SYNE1: variants seen among roughly 807,000 people sequenced by gnomAD.
The protein encoded by SYNE1 is spectrin repeat containing nuclear envelope protein 1.
SYNE1 carries 616 observed loss-of-function variants against 1,111.0 expected under a neutral mutation model. The observed-to-expected ratio is 0.55, with a 90% CI of 0.52 to 0.59. The LOEUF (loss-of-function observed/expected upper bound fraction) is 0.59. Among genes scored for constraint, SYNE1 ranks in the 20% least tolerant of loss-of-function variants. The pLI is 0.00. For synonymous variants in SYNE1, 3,855 were observed against 3,825.8 expected, an observed-to-expected ratio of 1.01 and a Z score of -0.28; for missense variants, 10,006 against 10,417.0, an observed-to-expected ratio of 0.96 and a Z score of 1.72.
chr6:152,336,995 G>C lies in SYNE1; in HGVS notation c.12374C>G (p.Ala4125Gly). ...EQTIEQKLVQ[A>G]QNLTQGWEEI... Reference sequence around the variant, plus strand: ...TTCCCAGCCCTGAGTTAAGTTCTGGGCCTGGACAAGCTTTTGTTCAATCTT... The same window carrying C: ...TTCCCAGCCCTGAGTTAAGTTCTGGCCCTGGACAAGCTTTTGTTCAATCTT... Residue 4125 changes from alanine to glycine, a missense_variant, in exon 76 of 146, where the codon GCC becomes GGC. This residue lies in a region of SYNE1 where 4,955 missense variants were observed against 5,017.2 expected (regional missense o/e 0.99). Transcript: ENST00000367255. The C allele has an allele frequency of 1.2e-6, 2 of 1,613,768 alleles. No homozygotes were observed. Among genetic ancestry groups the C allele is most frequent in the Non-Finnish European group, 1.7e-6 (2 of 1,180,008 alleles).
intron 10 of SYNE1, among the ~76,000 whole-genome samples, chr6:152,499,905 T>C (rs540466907): frequency 6.0e-4 from 92 of 152,294 alleles, no homozygotes; most frequent in African/African-American, 1.9e-3. Context: ...CTGAAAATAA[T>C]AAAGCTTCTT....
chr6:152,528,574 G>A (rs2099177260), intron 4 of SYNE1, among the ~76,000 whole-genome samples: 1 of 152,162 alleles, frequency 6.6e-6, no homozygotes, highest in African/African-American at 2.4e-5. Flanking sequence ...CCACCAATAT[G>A]GTGACTTTGA....
chr6:152,247,256 C>T (rs769096656), intron 105 of SYNE1, among the ~76,000 whole-genome samples: 1 of 152,084 alleles, frequency 6.6e-6, no homozygotes, highest in Non-Finnish European at 1.5e-5. Flanking sequence ...CTGTTATTGC[C>T]TTTTTAATCC....
intron 4 of SYNE1, among the ~76,000 whole-genome samples, chr6:152,526,547 C>G (rs1208405682): frequency 6.6e-6 from 1 of 152,184 alleles, no homozygotes; most frequent in Non-Finnish European, 1.5e-5. Flanking sequence ...AAAAGCAGAG[C>G]AAGAGCTGCA....
At chr6:152,346,973 A>G (rs909961546) in intron 73 of SYNE1, 86 bp downstream of exon 73, 2 of 1,502,048 alleles carry the variant, frequency 1.3e-6, no homozygotes, top group Non-Finnish European at 1.8e-6. Context: ...AGATTTGAGC[A>G]TCGATTCTAT....
rs756840623 is a variant in SYNE1 at position 152,427,735 on chromosome 6, A to G, written c.5058T>C (p.Ser1686=). The G allele has an allele frequency of 1.4e-5, 22 of 1,614,178 alleles. No individual in the cohort carries two copies. Among genetic ancestry groups the G allele is most frequent in the Admixed American group, 5.0e-5 (3 of 60,022 alleles). ...CACCTTCCACTTTGACTCTGTCTGC[A>G]GAAATGTCCATTTCTGGGGAACTGG... ...AKASSPEMDI[S]ADRVKVEGEL... Residue 1686 remains serine, a synonymous_variant, in exon 38 of 146, where the codon TCT becomes TCC. Transcript: ENST00000367255.
chr6:152,337,096 C>A (rs144118744), intron 75 of SYNE1, 79 bp from the exon 76 acceptor site: 1 of 1,466,108 alleles, frequency 6.8e-7, no homozygotes, highest in Admixed American at 1.9e-5. Flanking sequence ...TGGAACTTTC[C>A]AGCTGGCCTG....
At chr6:152,403,007 G>A (rs1436321128) in intron 46 of SYNE1, among the ~76,000 whole-genome samples, 1 of 151,990 alleles carries the variant, frequency 6.6e-6, no homozygotes, top group Non-Finnish European at 1.5e-5. Context: ...ATCCCTAATG[G>A]TACTGCTGAA....
intron 137 of SYNE1, chr6:152,146,361 A>G (rs1002720737): frequency 2.6e-5 from 4 of 152,202 alleles, no homozygotes; most frequent in Admixed American, 1.3e-4. Context: ...TTAACACTAC[A>G]TTAGACAGGG....
At chr6:152,528,548 T>C (rs937900058) in intron 4 of SYNE1, among the ~76,000 whole-genome samples, 8 of 152,240 alleles carry the variant, frequency 5.3e-5, no homozygotes, top group Non-Finnish European at 1.0e-4. Flanking sequence ...TCCTGTCACA[T>C]GTACAAATAT....
chr6:152,268,020 A>T, intron 100 of SYNE1, 36 bp downstream of exon 100: 1 of 1,539,378 alleles, frequency 6.5e-7, no homozygotes, highest in Non-Finnish European at 9.0e-7. Context: ...TCAGGGAAAC[A>T]CAATGAAGAG....
Position 152,221,610 on chromosome 6 carries a change from T to A in SYNE1, c.21523-51A>T, listed in dbSNP as rs377002075. ...TGACATAACAGGATCTAAATTCTAA[T>A]AAGCAAGTTTAAAAGGAATTTGTAT... is the stretch of plus-strand genomic sequence containing the variant. On this transcript the variant is annotated intron_variant, in intron 117 of 145. Coordinates refer to ENST00000367255, the MANE Select transcript of SYNE1 (RefSeq NM_182961.4). The A allele has an allele frequency of 9.3e-6, 15 of 1,610,026 alleles. No individual in the cohort carries two copies. In the Admixed American group the frequency reaches 1.5e-4, roughly 16 times the overall value.
At chr6:152,134,904 C>T in intron 142 of SYNE1, 200 bp downstream of exon 142, 1 of 608,766 alleles carries the variant, frequency 1.6e-6, no homozygotes, top group Non-Finnish European at 2.8e-6. Flanking sequence ...GATTCTAAAG[C>T]TAGCAGATAT....
intron 5 of SYNE1, 52 bp downstream of exon 5, chr6:152,526,028 A>G (rs2099161888): frequency 1.2e-5 from 18 of 1,563,018 alleles, no homozygotes; most frequent in Admixed American, 6.7e-5. Flanking sequence ...ATAGTCCCCA[A>G]ATTCCAAATG....
Position 152,331,281 on chromosome 6 carries a change from T to C in SYNE1, c.13404A>G (p.Gln4468=). Residue 4468 remains glutamine, a synonymous_variant, in exon 78 of 146, where the codon CAA becomes CAG. Transcript: ENST00000367255. ...FLMAVFQATS[Q]IQQHERKIMF... ...TTATCTTTCGCTCATGTTGCTGAAT[T>C]TGGCTGGTGGCCTGGAACACTGCCA... The C allele has an allele frequency of 6.2e-7, 1 of 1,614,172 alleles. No homozygotes were observed. The highest frequency in any genetic ancestry group is 8.5e-7 in the Non-Finnish European group (1 of 1,180,032).
intron 106 of SYNE1, among the ~76,000 whole-genome samples, chr6:152,244,293 C>T (rs564403855): frequency 8.6e-5 from 13 of 152,042 alleles, no homozygotes; most frequent in Non-Finnish European, 2.9e-5. Flanking sequence ...TAATGCTTAA[C>T]CATGAGAATA....
At chr6:152,472,188 C>G in intron 15 of SYNE1, 113 bp downstream of exon 15, 1 of 873,706 alleles carries the variant, frequency 1.1e-6, no homozygotes, top group Non-Finnish European at 1.8e-6. Context: ...TTTCTATTTA[C>G]CAAAGGTAGG....
At chr6:152,464,181 G>A (rs1276547125) in intron 18 of SYNE1, among the ~76,000 whole-genome samples, 1 of 152,004 alleles carries the variant, frequency 6.6e-6, no homozygotes, top group African/African-American at 2.4e-5. Flanking sequence ...TTTATTTAAG[G>A]GTTCCCTCTT....
At chr6:152,504,879 T>A (rs1045850200) in intron 9 of SYNE1, among the ~76,000 whole-genome samples, 3 of 152,156 alleles carry the variant, frequency 2.0e-5, no homozygotes, top group Non-Finnish European at 2.9e-5. Flanking sequence ...TTATATAGAG[T>A]AATTATATTA....
Sources: gnomAD v4.1 joint callset for allele counts (sites outside exome capture counted in the v4.1 genomes callset) on GRCh38, gnomAD v4.1.1 for gene constraint, gnomAD v4.1.1 regional missense constraint, MANE v1.5 for transcripts, NCBI Gene and HGNC (gene_info 2026-07-23, HGNC 2026-07-21) for gene names.